A4GALT: variants seen among roughly 807,000 people sequenced by gnomAD.
A4GALT encodes the protein alpha 1,4-galactosyltransferase (P1PK blood group).
For synonymous variants in A4GALT, 257 were observed against 220.7 expected (o/e 1.16, Z -1.46); for missense variants, 512 against 486.0 (o/e 1.05, Z -0.50).
intron 1 of A4GALT, among the ~76,000 whole-genome samples, chr22:42,712,480 G>C (rs1372564345): frequency 6.6e-6 from 1 of 152,244 alleles, no homozygotes; most frequent in Non-Finnish European, 1.5e-5. Context: ...ATCTTGCCTG[G>C]CAAATGCAAT....
intron 1 of A4GALT, among the ~76,000 whole-genome samples, chr22:42,705,074 T>C (rs1339823569): frequency 6.6e-6 from 1 of 152,108 alleles, no homozygotes; most frequent in Non-Finnish European, 1.5e-5. Context: ...AAGGCCATAC[T>C]TTAAAAAGCA....
rs908208753 is a variant in A4GALT, at chr22:42,704,845, A to G, written c.-187-9214T>C. Among the ~76,000 whole-genome samples the G allele has an allele frequency of 7.8e-4, 93 of 118,806 alleles. No individual in the cohort carries two copies. The Admixed American group carries it at 0.01, about 13-fold the overall frequency. The allele number at this position is 118,806 out of a possible 152,430, so 77.9% of individuals were successfully genotyped here. Reference sequence around the variant, plus strand: ...ACCACAGTTGAGTGTGGCCCAAAGCACCTGCGGGCAGCAGACATGGCAATG... The same window carrying G: ...ACCACAGTTGAGTGTGGCCCAAAGCGCCTGCGGGCAGCAGACATGGCAATG... On this transcript the variant is annotated intron_variant, in intron 1 of 2. Coordinates refer to ENST00000642412, the MANE Select transcript of A4GALT (RefSeq NM_017436.7).
chr22:42,692,806 C>A lies in A4GALT; in HGVS notation c.*84G>T, dbSNP rs753359588. On this transcript the variant is annotated 3_prime_UTR_variant, in exon 3 of 3. Transcript: ENST00000642412. This position sits in a 1 kb window ranked among gnomAD's most constrained non-coding sequence, Gnocchi z 4.6. ...CCGGTGGCAGCTCGGGCCTCCCTCT[C>A]CCGGGCCCTCAATCTTGCCTCCCCG... is the stretch of plus-strand genomic sequence containing the variant. 6.5e-7 allele frequency: 1 copy of A among 1,540,562 alleles called. No individual in the cohort carries two copies. Among genetic ancestry groups the A allele is most frequent in the Non-Finnish European group, 8.8e-7 (1 of 1,132,396 alleles).
intron 1 of A4GALT, among the ~76,000 whole-genome samples, chr22:42,710,770 C>T (rs1921619097): frequency 6.6e-6 from 1 of 151,936 alleles, no homozygotes; most frequent in Middle Eastern, 3.2e-3. Context: ...GCCTATAATC[C>T]TAGCACTTTG....
At chr22:42,707,363 T>G (rs2147011199) in intron 1 of A4GALT, among the ~76,000 whole-genome samples, 1 of 152,158 alleles carries the variant, frequency 6.6e-6, no homozygotes, top group South Asian at 2.1e-4. Flanking sequence ...ATAAAAATAA[T>G]AAAAACACCA....
chr22:42,703,106 CTGTGTG>C (rs3985930), intron 1 of A4GALT, among the ~76,000 whole-genome samples: 1,778 of 134,088 alleles, frequency 0.013, 35 homozygotes, highest in African/African-American at 0.045. Context: ...TGCTGCCCCA[CTGTGTG>C]TGTGTGTGTG....
chr22:42,711,930 G>C (rs1020251733), intron 1 of A4GALT, among the ~76,000 whole-genome samples: 1 of 152,096 alleles, frequency 6.6e-6, no homozygotes, highest in African/African-American at 2.4e-5. Flanking sequence ...GTCTCAGTAC[G>C]TATTTTTTTG....
chr22:42,700,105 C>T (rs992927910), intron 1 of A4GALT, among the ~76,000 whole-genome samples: 1 of 152,226 alleles, frequency 6.6e-6, no homozygotes, highest in African/African-American at 2.4e-5. Context: ...GCAATCTACC[C>T]AGGAGACGGG....
rs976371154 is a variant in A4GALT at position 42,705,260 on chromosome 22, G to T, written c.-187-9629C>A. Among the ~76,000 whole-genome samples, 8 of 152,222 alleles carry T rather than the reference G, an allele frequency of 5.3e-5. 1 individual carries two copies. In the South Asian group the frequency reaches 1.7e-3, roughly 32 times the overall value. ...GGCATAAAACAAAATGGAAACGGGG[G>T]TGAGGAGCACAAATACTCGCTTATA... On this transcript the variant is annotated intron_variant, in intron 1 of 2. Coordinates refer to ENST00000642412, the MANE Select transcript of A4GALT (RefSeq NM_017436.7).
At chr22:42,696,158 C>T (rs376738909) in intron 1 of A4GALT, among the ~76,000 whole-genome samples, 35 of 141,766 alleles carry the variant, frequency 2.5e-4, no homozygotes, top group African/African-American at 5.0e-4. Flanking sequence ...CGGTAGCTCA[C>T]GCCTGTAATC....
chr22:42,692,645 C>G lies in A4GALT; in HGVS notation c.*245G>C, dbSNP rs564867371. The G allele has an allele frequency of 3.0e-6, 2 of 656,048 alleles. No individual in the cohort carries two copies. Among genetic ancestry groups the G allele is most frequent in the Admixed American group, 2.1e-5 (1 of 48,252 alleles). The allele number at this position is 656,048 out of a possible 1,614,324, so 40.6% of individuals were successfully genotyped here. On this transcript the variant is annotated 3_prime_UTR_variant, in exon 3 of 3. Coordinates refer to ENST00000642412, the MANE Select transcript of A4GALT (RefSeq NM_017436.7). The surrounding 1 kb of genome is among the most constrained non-coding windows in gnomAD (Gnocchi z 4.6). Reference sequence around the variant, plus strand: ...CTTCCTGCCTGTTGTCTAGAAGGCCCGGGGCACTCACTGAGCGCCCTCCGC... The same window carrying G: ...CTTCCTGCCTGTTGTCTAGAAGGCCGGGGGCACTCACTGAGCGCCCTCCGC...
rs12166698 is a variant in A4GALT, at chr22:42,706,413, T to C, written c.-187-10782A>G. Among the ~76,000 whole-genome samples, 437 of 151,392 alleles carry C rather than the reference T, an allele frequency of 2.9e-3. 2 individuals carry two copies. The highest frequency in any genetic ancestry group is 0.01 in the African/African-American group (415 of 41,264). ...CTAATCTTGAAGGAGAAAAAGATTT[T>C]TAGATTAGATTTCAAGCATAACCTG... On this transcript the variant is annotated intron_variant, in intron 1 of 2. Coordinates refer to ENST00000642412, the MANE Select transcript of A4GALT (RefSeq NM_017436.7).
intron 1 of A4GALT, among the ~76,000 whole-genome samples, chr22:42,703,409 C>T (rs375138908): frequency 2.0e-5 from 3 of 151,950 alleles, no homozygotes; most frequent in South Asian, 2.1e-4. Flanking sequence ...GCACCTGCCA[C>T]CGCGCCTGGC....
chr22:42,692,778 A>C lies in A4GALT; in HGVS notation c.*112T>G. 7.7e-7 allele frequency: 1 copy of C among 1,300,996 alleles called. No individual in the cohort carries two copies. Among genetic ancestry groups the C allele is most frequent in the African/African-American group, 1.5e-5 (1 of 68,736 alleles). 80.6% of individuals were successfully genotyped at this position (1,300,996 alleles called of 1,614,324 possible). On this transcript the variant is annotated 3_prime_UTR_variant, in exon 3 of 3. Transcript: ENST00000642412. The surrounding 1 kb of genome is among the most constrained non-coding windows in gnomAD (Gnocchi z 4.6). ...CCACAGCTCCTCAACAGCCTGCCTAAGCCCGGTGGCAGCTCGGGCCTCCCT... is the reference window on the plus strand; with the variant it reads ...CCACAGCTCCTCAACAGCCTGCCTACGCCCGGTGGCAGCTCGGGCCTCCCT...
At chr22:42,700,036 C>T (rs910303) in intron 1 of A4GALT, among the ~76,000 whole-genome samples, 41,332 of 152,182 alleles carry the variant, frequency 0.27, 6,278 homozygotes, top group South Asian at 0.39. Context: ...AACCCAGGGG[C>T]CTACACCAAC....
At chr22:42,697,677 C>T (rs770127437) in intron 1 of A4GALT, among the ~76,000 whole-genome samples, 3 of 152,164 alleles carry the variant, frequency 2.0e-5, no homozygotes, top group Admixed American at 6.5e-5. Context: ...CCAAGTTGGC[C>T]GCAGCCCAAT....
chr22:42,702,099 GTCTC>G (rs71686262), intron 1 of A4GALT, among the ~76,000 whole-genome samples: 290 of 150,652 alleles, frequency 1.9e-3, no homozygotes, highest in African/African-American at 6.9e-3. Flanking sequence ...CCAGGTTGGT[GTCTC>G]TCTCTCTCTT....
chr22:42,692,750 C>A lies in A4GALT; in HGVS notation c.*140G>T. On this transcript the variant is annotated 3_prime_UTR_variant, in exon 3 of 3. Transcript: ENST00000642412. The surrounding 1 kb of genome is among the most constrained non-coding windows in gnomAD (Gnocchi z 4.6). ...TGTCCACAGCCTCCCACTGGGCCTG[C>A]TCCCACAGCTCCTCAACAGCCTGCC... 1 of 989,548 alleles carries A rather than the reference C, an allele frequency of 1.0e-6. No individual in the cohort carries two copies. Among genetic ancestry groups the A allele is most frequent in the Non-Finnish European group, 1.5e-6 (1 of 647,290 alleles). 61.3% of individuals were successfully genotyped at this position (989,548 alleles called of 1,614,324 possible).
At chr22:42,710,784 G>A (rs1053670183) in intron 1 of A4GALT, among the ~76,000 whole-genome samples, 1 of 152,048 alleles carries the variant, frequency 6.6e-6, no homozygotes, top group African/African-American at 2.4e-5. Context: ...CACTTTGGGA[G>A]GCCAAGGCTG....
Sources: gnomAD v4.1 joint callset for allele counts (sites outside exome capture counted in the v4.1 genomes callset) on GRCh38, gnomAD v4.1.1 for gene constraint, Gnocchi (gnomAD v3.1) non-coding constraint, MANE v1.5 for transcripts, NCBI Gene and HGNC (gene_info 2026-07-23, HGNC 2026-07-21) for gene names.